Variants in MGAT3 observed in about 807,000 individuals in gnomAD.
MGAT3 encodes the protein beta-1,4-mannosyl-glycoprotein 4-beta-N-acetylglucosaminyltransferase, also known as GlcNAc-T III.
A neutral mutation model predicts 29.8 loss-of-function variants in MGAT3; 9 were observed. That is an observed-to-expected ratio of 0.30 (90% CI 0.18 to 0.53). The LOEUF (loss-of-function observed/expected upper bound fraction) is 0.53. Among genes scored for constraint, MGAT3 ranks in the 20% least tolerant of loss-of-function variants. The pLI is 0.96. For missense variants in MGAT3, 557 were observed against 769.5 expected (o/e 0.72, Z 3.27); for synonymous variants, 397 against 348.9 (o/e 1.14, Z -1.54).
In MGAT3 at chr22:39,457,235, C is replaced by A. The variant is rs1468501260; in HGVS notation, c.-324C>A. ...CCCTGCGCGCCGCGCTCGGCCTCGC[C>A]TCCGCGCCCCCCGCGCGCCCGCCGC... is the stretch of plus-strand genomic sequence containing the variant. On this transcript the variant is annotated 5_prime_UTR_variant, in exon 1 of 2. Transcript: ENST00000341184. This position sits in a 1 kb window ranked among gnomAD's most constrained non-coding sequence, Gnocchi z 6.8. 1 of 145,270 alleles carries A rather than the reference C, an allele frequency of 6.9e-6. No homozygotes were observed. The highest frequency in any genetic ancestry group is 2.5e-5 in the African/African-American group (1 of 40,518). The allele number at this position is 145,270 out of a possible 1,614,324, so 9.0% of individuals were successfully genotyped here. A position where few individuals can be genotyped will look rare whatever the true frequency, so the allele number is the denominator to read the frequency against.
chr22:39,470,333 G>A (rs962100882), intron 1 of MGAT3, among the ~76,000 whole-genome samples: 2 of 152,222 alleles, frequency 1.3e-5, no homozygotes, highest in Non-Finnish European at 2.9e-5. Context: ...CGTTCCAGGC[G>A]GAGGGATCAG....
At chr22:39,484,556 A>C (rs1484691952) in intron 1 of MGAT3, among the ~76,000 whole-genome samples, 1 of 151,890 alleles carries the variant, frequency 6.6e-6, no homozygotes, top group Admixed American at 6.6e-5. Context: ...TATTTTTAGT[A>C]GTGACAGGGT....
intron 1 of MGAT3, among the ~76,000 whole-genome samples, chr22:39,470,430 G>T (rs903080616): frequency 6.6e-6 from 1 of 152,242 alleles, no homozygotes; most frequent in East Asian, 1.9e-4. Context: ...TGGGGGACAA[G>T]GGAGGCAAGG....
chr22:39,482,499 T>C (rs1186235129), intron 1 of MGAT3, among the ~76,000 whole-genome samples: 1 of 152,212 alleles, frequency 6.6e-6, no homozygotes, highest in Non-Finnish European at 1.5e-5. Context: ...GGGAAAGTCT[T>C]GCCATCTTTC....
At chr22:39,468,292 C>T (rs932559320) in intron 1 of MGAT3, among the ~76,000 whole-genome samples, 1 of 152,226 alleles carries the variant, frequency 6.6e-6, no homozygotes, top group Non-Finnish European at 1.5e-5. Flanking sequence ...GTCACCTCCC[C>T]AGGTCCCCAC....
chr22:39,488,847 C>T lies in MGAT3; in HGVS notation c.1500C>T (p.Asn500=). 2 of 1,608,364 alleles carry T rather than the reference C, an allele frequency of 1.2e-6. No individual in the cohort carries two copies. Among genetic ancestry groups the T allele is most frequent in the Non-Finnish European group, 1.7e-6 (2 of 1,177,546 alleles). The change falls in exon 2 of 2, where the codon AAC becomes AAT. Residue 500 remains asparagine (N), a synonymous_variant. Transcript: ENST00000341184. ...NYDRFHYLLD[N]PYQEPRSTAA... Reference sequence around the variant, plus strand: ...ACCGGTTCCACTACCTGCTGGACAACCCCTACCAGGAGCCCAGGAGCACGG... The same window carrying T: ...ACCGGTTCCACTACCTGCTGGACAATCCCTACCAGGAGCCCAGGAGCACGG...
At position 39,469,253 on chromosome 22, in the gene MGAT3, T is replaced by C. The variant is rs547772203; in HGVS notation, c.-2+11696T>C. ...GAGTGTTGGGAACGTCATCGGAGCG[T>C]CAGTCCCTTGGTGCCAGGCTTGAGT... On this transcript the variant is annotated intron_variant, in intron 1 of 1. Coordinates refer to ENST00000341184, the MANE Select transcript of MGAT3 (RefSeq NM_002409.5). Among the ~76,000 whole-genome samples the C allele has an allele frequency of 7.9e-5, 12 of 152,118 alleles. No individual in the cohort carries two copies. In the East Asian group the frequency reaches 2.1e-3, roughly 27 times the overall value.
At chr22:39,463,967 A>G (rs932728855) in intron 1 of MGAT3, among the ~76,000 whole-genome samples, 1 of 151,596 alleles carries the variant, frequency 6.6e-6, no homozygotes, top group African/African-American at 2.4e-5. Flanking sequence ...AGGCCTGTGC[A>G]TTCCAAGAGC....
Position 39,488,784 on chromosome 22 carries a change from G to A in MGAT3, c.1437G>A (p.Glu479=). 6.2e-7 allele frequency: 1 copy of A among 1,611,344 alleles called. No homozygotes were observed. The highest frequency in any genetic ancestry group is 1.1e-5 in the South Asian group (1 of 90,736). The change falls in exon 2 of 2, where the codon GAG becomes GAA. Residue 479 remains glutamate, a synonymous_variant. Transcript: ENST00000341184. The part of the protein sequence containing the change: ...QQEYPPADPS[E]HMYAPKYLLK... ...AGTACCCGCCTGCAGACCCCAGCGA[G>A]CACATGTATGCGCCCAAGTACCTGC...
chr22:39,488,965 TAGGGTTTGTGAC>T lies in MGAT3; in HGVS notation c.*21_*32del, dbSNP rs909913977. 6.3e-7 allele frequency: 1 copy of T among 1,597,338 alleles called. No homozygotes were observed. The highest frequency in any genetic ancestry group is 8.5e-7 in the Non-Finnish European group (1 of 1,173,298). ...GGAAGTCTAGAGCTGCATGATCTGA[TAGGGTTTGTGAC>T]AGGGCGGGGGTGGCGGCGGCCCCTA... On this transcript the variant is annotated 3_prime_UTR_variant, in exon 2 of 2. Transcript: ENST00000341184.
intron 1 of MGAT3, among the ~76,000 whole-genome samples, chr22:39,480,222 A>G (rs961037421): frequency 6.6e-6 from 1 of 152,182 alleles, no homozygotes; most frequent in Non-Finnish European, 1.5e-5. Flanking sequence ...ATTTTAACGA[A>G]CTGAGTAAGA....
intron 1 of MGAT3, among the ~76,000 whole-genome samples, chr22:39,475,575 C>G (rs1928934922): frequency 6.6e-6 from 1 of 152,204 alleles, no homozygotes; most frequent in Non-Finnish European, 1.5e-5. Context: ...GGCATCAGCT[C>G]ACCACTGCCC....
chr22:39,487,533 C>G lies in MGAT3; in HGVS notation c.186C>G (p.Pro62=), dbSNP rs1460862645. ...NNAPVTPQAS[P]EPGGPDLLRT... ...CCCCGGTCACGCCCCAGGCCAGCCC[C>G]GAGCCAGGAGGCCCTGACCTGCTGC... The change falls in exon 2 of 2, where the codon CCC becomes CCG. Residue 62 remains proline (P), a synonymous_variant. Coordinates refer to ENST00000341184, the MANE Select transcript of MGAT3 (RefSeq NM_002409.5). This position sits in a 1 kb window ranked among gnomAD's most constrained non-coding sequence, Gnocchi z 5.7. 1.2e-6 allele frequency: 2 copies of G among 1,613,196 alleles called. No homozygotes were observed. Among genetic ancestry groups the G allele is most frequent in the South Asian group, 1.1e-5 (1 of 91,068 alleles).
chr22:39,490,803 TGGATGGAAGAGGCCAGGCCCAGG>T lies in MGAT3; in HGVS notation c.*1855_*1877del, dbSNP rs962676892. The T allele has an allele frequency of 6.0e-6, 1 of 166,512 alleles. No individual in the cohort carries two copies. Among genetic ancestry groups the T allele is most frequent in the African/African-American group, 2.4e-5 (1 of 41,260 alleles). 10.3% of individuals were successfully genotyped at this position (166,512 alleles called of 1,614,324 possible). ...GTCCCTGTAAATACATGCTTGTGTA[TGGATGGAAGAGGCCAGGCCCAGG>T]CCTGGCCTCTTCCTCGGGCCTGTGG... On this transcript the variant is annotated 3_prime_UTR_variant, in exon 2 of 2. Transcript: ENST00000341184.
chr22:39,484,261 T>C (rs1249084039), intron 1 of MGAT3, among the ~76,000 whole-genome samples: 1 of 152,218 alleles, frequency 6.6e-6, no homozygotes, highest in African/African-American at 2.4e-5. Context: ...GCCTTGAGCA[T>C]TGAAGGGAAC....
intron 1 of MGAT3, among the ~76,000 whole-genome samples, chr22:39,478,831 C>A (rs1456700984): frequency 6.6e-6 from 1 of 152,226 alleles, no homozygotes; most frequent in African/African-American, 2.4e-5. Context: ...CAGCTTCCCT[C>A]CCTCACAGCC....
At chr22:39,474,607 C>G (rs1342944149) in intron 1 of MGAT3, among the ~76,000 whole-genome samples, 1 of 152,236 alleles carries the variant, frequency 6.6e-6, no homozygotes, top group African/African-American at 2.4e-5. Context: ...TGCCTCCTGG[C>G]TCTGCACACA....
chr22:39,479,608 A>C (rs1341781159), intron 1 of MGAT3, among the ~76,000 whole-genome samples: 2 of 152,162 alleles, frequency 1.3e-5, no homozygotes, highest in Admixed American at 6.5e-5. Flanking sequence ...CCAAAGGCTC[A>C]CTCTTTCTCT....
Position 39,457,286 on chromosome 22 carries a change from C to A in MGAT3, c.-273C>A. 1.4e-5 allele frequency: 2 copies of A among 144,492 alleles called. No individual in the cohort carries two copies. Among genetic ancestry groups the A allele is most frequent in the South Asian group, 3.9e-4 (2 of 5,192 alleles). 9.0% of individuals were successfully genotyped at this position (144,492 alleles called of 1,614,324 possible). On this transcript the variant is annotated 5_prime_UTR_variant, in exon 1 of 2. Coordinates refer to ENST00000341184, the MANE Select transcript of MGAT3 (RefSeq NM_002409.5). The surrounding 1 kb of genome is among the most constrained non-coding windows in gnomAD (Gnocchi z 6.8). ...GGTCCCTCCCCCGCGCCCGTCCGCT[C>A]GCCGGGCCCCCGCCGCCGCCCCGGG...
Sources: gnomAD v4.1 joint callset for allele counts (sites outside exome capture counted in the v4.1 genomes callset) on GRCh38, gnomAD v4.1.1 for gene constraint, Gnocchi (gnomAD v3.1) non-coding constraint, MANE v1.5 for transcripts, NCBI Gene and HGNC (gene_info 2026-07-23, HGNC 2026-07-21) for gene names.